Variants in GNAL observed in about 807,000 individuals in gnomAD.
GNAL encodes the protein G protein subunit alpha L.
In GNAL, 18 loss-of-function variants were observed where a neutral mutation model predicts 55.1. That is an observed-to-expected ratio of 0.33 (90% CI 0.23 to 0.48). The LOEUF (loss-of-function observed/expected upper bound fraction) is 0.48, where lower values mean the gene tolerates loss of function less well. GNAL is among the 20% of genes least tolerant of loss of function. The probability of loss-of-function intolerance (pLI) is 0.99; values close to 1 mark genes in which losing one functional copy is unlikely to be tolerated. For synonymous variants in GNAL, 253 were observed against 237.0 expected (o/e 1.07, Z -0.62); for missense variants, 412 against 614.1 (o/e 0.67, Z 3.48).
In GNAL at chr18:11,760,783, G is replaced by C. The variant is rs568402011; in HGVS notation, c.624+6838G>C. On this transcript the variant is annotated intron_variant, in intron 4 of 11. Transcript: ENST00000334049. ...ACAGCATGGTGTTTGTATCTTGAAAGGGGGTCTTAAGGGGAGGTGTGGGGC... is the reference window on the plus strand; with the variant it reads ...ACAGCATGGTGTTTGTATCTTGAAACGGGGTCTTAAGGGGAGGTGTGGGGC... Among the ~76,000 whole-genome samples the C allele has an allele frequency of 7.2e-5, 11 of 152,260 alleles. No homozygotes were observed. In the South Asian group the frequency reaches 2.3e-3, roughly 32 times the overall value.
chr18:11,852,508 AAAGAG>A (rs1165232326), intron 5 of GNAL: 1 of 198,720 alleles, frequency 5.0e-6, no homozygotes, highest in Non-Finnish European at 1.2e-5. Context: ...CATAAAAGTT[AAAGAG>A]AGGGGAAAGA....
chr18:11,861,963 T>TACACACACACACACAC (rs56087854), intron 5 of GNAL, among the ~76,000 whole-genome samples: 1,644 of 148,138 alleles, frequency 0.011, 15 homozygotes, highest in Middle Eastern at 0.017. Flanking sequence ...CACGCAGTCA[T>TACACACACACACACAC]ACACACACAC....
intron 1 of GNAL, among the ~76,000 whole-genome samples, chr18:11,738,700 C>T (rs1216627804): frequency 6.6e-6 from 1 of 152,174 alleles, no homozygotes; most frequent in Non-Finnish European, 1.5e-5. Context: ...CCGCCTGCCT[C>T]GGCCTCCCAG....
At chr18:11,700,286 T>G (rs142409590) in intron 1 of GNAL, among the ~76,000 whole-genome samples, 6 of 152,322 alleles carry the variant, frequency 3.9e-5, no homozygotes, top group Non-Finnish European at 7.3e-5. Context: ...AAAGCATCAT[T>G]TAAAGACTTT....
intron 5 of GNAL, among the ~76,000 whole-genome samples, chr18:11,828,930 GGCACTTA>G (rs1031907904): frequency 8.5e-5 from 13 of 152,308 alleles, no homozygotes; most frequent in African/African-American, 2.9e-4. Context: ...AATAGTGCCT[GGCACTTA>G]GTAAGCACTA....
chr18:11,754,682 C>T (rs2032982208), intron 4 of GNAL, among the ~76,000 whole-genome samples: 1 of 152,176 alleles, frequency 6.6e-6, no homozygotes, highest in East Asian at 1.9e-4. Flanking sequence ...TGAAGATGCA[C>T]AGCCTTCAGA....
chr18:11,698,557 G>A (rs920260133), intron 1 of GNAL, among the ~76,000 whole-genome samples: 3 of 151,952 alleles, frequency 2.0e-5, no homozygotes, highest in African/African-American at 4.8e-5. Context: ...ATGGCCTGGT[G>A]GGTGCAGGAG....
chr18:11,780,727 A>G (rs1339310840), intron 4 of GNAL, among the ~76,000 whole-genome samples: 2 of 152,218 alleles, frequency 1.3e-5, no homozygotes, highest in African/African-American at 4.8e-5. Flanking sequence ...ACACTGAGGA[A>G]TGAATTAGAT....
intron 4 of GNAL, among the ~76,000 whole-genome samples, chr18:11,785,374 C>T (rs2034028437): frequency 6.6e-6 from 1 of 152,124 alleles, no homozygotes; most frequent in African/African-American, 2.4e-5. Context: ...CCGTGGTAAG[C>T]CTGTATGCCT....
At chr18:11,706,430 T>C (rs752816833) in intron 1 of GNAL, among the ~76,000 whole-genome samples, 3 of 152,226 alleles carry the variant, frequency 2.0e-5, no homozygotes, top group African/African-American at 7.2e-5. Flanking sequence ...CTTGCCTCGA[T>C]ATCTGTGGCT....
At chr18:11,725,112 C>T (rs1598413060) in intron 1 of GNAL, among the ~76,000 whole-genome samples, 2 of 152,256 alleles carry the variant, frequency 1.3e-5, no homozygotes, top group Admixed American at 6.5e-5. Context: ...ATTAATGAGC[C>T]GGAGTCACAC....
At chr18:11,772,675 G>A (rs1002812882) in intron 4 of GNAL, among the ~76,000 whole-genome samples, 1 of 152,196 alleles carries the variant, frequency 6.6e-6, no homozygotes, top group Non-Finnish European at 1.5e-5. Flanking sequence ...CTGACCTGGA[G>A]GCAAAGCCAG....
At chr18:11,846,464 T>C (rs138891469) in intron 5 of GNAL, among the ~76,000 whole-genome samples, 1,939 of 140,148 alleles carry the variant, frequency 0.014, 94 homozygotes, top group African/African-American at 0.047. Flanking sequence ...TATATAAATA[T>C]ACACACACAC....
At chr18:11,845,006 C>T (rs2035700158) in intron 5 of GNAL, among the ~76,000 whole-genome samples, 1 of 152,130 alleles carries the variant, frequency 6.6e-6, no homozygotes, top group Non-Finnish European at 1.5e-5. Flanking sequence ...GCTGGGACTA[C>T]AGGCATGTGC....
chr18:11,873,932 C>G (rs34348522), intron 10 of GNAL: 24,820 of 152,750 alleles, frequency 0.16, 2,248 homozygotes, highest in Non-Finnish European at 0.2. Context: ...CCTCACTCCT[C>G]TCGTCTCAGC....
At chr18:11,717,957 A>G (rs960239661) in intron 1 of GNAL, among the ~76,000 whole-genome samples, 1 of 152,234 alleles carries the variant, frequency 6.6e-6, no homozygotes, top group African/African-American at 2.4e-5. Context: ...AAAAAAAGAA[A>G]TCAGTCTTAA....
chr18:11,700,526 A>T (rs1377731417), intron 1 of GNAL, among the ~76,000 whole-genome samples: 1 of 152,234 alleles, frequency 6.6e-6, no homozygotes, highest in Non-Finnish European at 1.5e-5. Context: ...ACCAAATGCC[A>T]CTGAAGGCAC....
At chr18:11,862,217 C>G (rs773959684) in intron 5 of GNAL, among the ~76,000 whole-genome samples, 178 bp from the exon 6 acceptor site, 3 of 152,202 alleles carry the variant, frequency 2.0e-5, no homozygotes, top group East Asian at 1.9e-4. Flanking sequence ...CTCCCTGGGT[C>G]AAGAATGTTG....
At chr18:11,731,690 T>C (rs1243004193) in intron 1 of GNAL, among the ~76,000 whole-genome samples, 2 of 152,166 alleles carry the variant, frequency 1.3e-5, no homozygotes, top group Non-Finnish European at 2.9e-5. Flanking sequence ...TCACACCTCT[T>C]AAAATTGTAC....
Sources: allele counts gnomAD v4.1 joint callset (sites outside exome capture counted in the v4.1 genomes callset), GRCh38; gene constraint gnomAD v4.1.1; transcripts MANE v1.5; gene names NCBI Gene and HGNC (gene_info 2026-07-23, HGNC 2026-07-21).